The following ATP9A variants were observed in gnomAD, a reference collection of about 807,000 sequenced individuals.
ATP9A encodes ATPase phospholipid transporting 9A.
ATP9A carries 52 observed loss-of-function variants against 144.1 expected under a neutral mutation model. The observed-to-expected ratio is 0.36, with a 90% CI of 0.29 to 0.45. The LOEUF (loss-of-function observed/expected upper bound fraction) is 0.45. ATP9A is among the 20% of genes least tolerant of loss of function. The pLI, the probability that ATP9A is intolerant of heterozygous loss-of-function variation, is 1.00. For synonymous variants in ATP9A, 582 were observed against 557.4 expected, an observed-to-expected ratio of 1.04 and a Z score of -0.62; for missense variants, 947 against 1,392.7, an observed-to-expected ratio of 0.68 and a Z score of 5.09.
chr20:51,678,538 C>A (rs992608240), intron 9 of ATP9A, among the ~76,000 whole-genome samples: 5 of 152,170 alleles, frequency 3.3e-5, no homozygotes, highest in Non-Finnish European at 7.4e-5. Context: ...CGGCAGATGG[C>A]AGGCCAGGGA....
intron 3 of ATP9A, among the ~76,000 whole-genome samples, chr20:51,719,537 AT>A (rs2077678977): frequency 6.6e-6 from 1 of 151,032 alleles, no homozygotes; most frequent in Non-Finnish European, 1.5e-5. Context: ...GATCAAGACC[AT>A]CCTGGCCAAC....
chr20:51,685,030 A>T (rs1177451434), intron 9 of ATP9A, among the ~76,000 whole-genome samples: 12 of 151,876 alleles, frequency 7.9e-5, no homozygotes, highest in African/African-American at 2.4e-4. Context: ...AAAAAAAAAA[A>T]AAAAAAAAAA....
At chr20:51,684,057 C>T (rs1039382963) in intron 9 of ATP9A, among the ~76,000 whole-genome samples, 1 of 152,034 alleles carries the variant, frequency 6.6e-6, no homozygotes, top group Non-Finnish European at 1.5e-5. Context: ...TGGTGAGGTG[C>T]GCCTATAGTC....
At position 51,680,204 on chromosome 20, in the gene ATP9A, TGAGC is replaced by T. The variant is rs528707281; in HGVS notation, c.800-4000_800-3997del. Among the ~76,000 whole-genome samples the T allele has an allele frequency of 4.6e-3, 643 of 138,684 alleles. 1 individual carries two copies. The highest frequency in any genetic ancestry group is 7.8e-3 in the Non-Finnish European group (516 of 66,330). 91.0% of individuals were successfully genotyped at this position (138,684 alleles called of 152,430 possible). On this transcript the variant is annotated intron_variant, in intron 9 of 27. Coordinates refer to ENST00000338821, the MANE Select transcript of ATP9A (RefSeq NM_006045.3). ...AAGATCGCACCACTGCACGCCAGCC[TGAGC>T]GACAGTGAGACTGTCTTAAAAAAAA...
At chr20:51,623,801 A>AAAAAAAAGAAAG (rs558189054) in intron 18 of ATP9A, among the ~76,000 whole-genome samples, 14 of 133,414 alleles carry the variant, frequency 1.0e-4, no homozygotes, top group African/African-American at 2.1e-4. Flanking sequence ...AAAAAAAAAA[A>AAAAAAAAGAAAG]AAAGAAAGAA....
chr20:51,706,095 G>A (rs1206469651), intron 4 of ATP9A, among the ~76,000 whole-genome samples: 9 of 152,198 alleles, frequency 5.9e-5, no homozygotes, highest in Admixed American at 5.9e-4. Flanking sequence ...ACAATGAGGA[G>A]GCTAGATTGA....
intron 1 of ATP9A, among the ~76,000 whole-genome samples, chr20:51,747,220 G>C (rs1228461433): frequency 6.6e-6 from 1 of 152,000 alleles, no homozygotes; most frequent in Non-Finnish European, 1.5e-5. Context: ...CTACTGTCTG[G>C]AGGAGAAATG....
At chr20:51,672,362 A>C (rs2077459711) in intron 11 of ATP9A, among the ~76,000 whole-genome samples, 1 of 152,092 alleles carries the variant, frequency 6.6e-6, no homozygotes, top group Admixed American at 6.6e-5. Flanking sequence ...AACTAATCAA[A>C]CTGCTTGCCA....
At position 51,629,172 on chromosome 20, in the gene ATP9A, A is replaced by C. The variant is rs894226972; in HGVS notation, c.1669-100T>G. The C allele has an allele frequency of 4.6e-5, 39 of 844,212 alleles. No homozygotes were observed. The African/African-American group carries it at 6.5e-4, about 14-fold the overall frequency. The allele number at this position is 844,212 out of a possible 1,614,324, so 52.3% of individuals were successfully genotyped here. A position where few individuals can be genotyped will look rare whatever the true frequency, so the allele number is the denominator to read the frequency against. On this transcript the variant is annotated intron_variant, in intron 15 of 27. Transcript: ENST00000338821. ...ACAGACAGTGTACAAAGTGCACTTA[A>C]CAGACACCAATGTTTTTTCAGTTGG...
chr20:51,733,706 C>A (rs2077751818), intron 1 of ATP9A, among the ~76,000 whole-genome samples: 2 of 149,606 alleles, frequency 1.3e-5, no homozygotes, highest in Non-Finnish European at 3.0e-5. Context: ...ATTAAAAAAT[C>A]TGTATTACCC....
At chr20:51,659,131 A>C (rs1221558680) in intron 13 of ATP9A, among the ~76,000 whole-genome samples, 5 of 152,018 alleles carry the variant, frequency 3.3e-5, no homozygotes, top group Admixed American at 6.5e-5. Flanking sequence ...TGGCTTGCTC[A>C]GTCTCATCAT....
At chr20:51,653,109 C>CA (rs774614153) in intron 14 of ATP9A, among the ~76,000 whole-genome samples, 3,440 of 76,456 alleles carry the variant, frequency 0.045, 149 homozygotes, top group African/African-American at 0.12. Context: ...GACTCCGTCT[C>CA]AAAAAAAAAA....
intron 8 of ATP9A, 40 bp downstream of exon 8, chr20:51,690,699 C>T (rs781531085): frequency 1.3e-6 from 2 of 1,527,836 alleles, no homozygotes; most frequent in East Asian, 4.5e-5. Flanking sequence ...CCCTTACACA[C>T]TCCCGGTGAC....
In ATP9A at chr20:51,657,132, C is replaced by G; in HGVS notation, c.1312G>C (p.Ala438Pro). The G allele has an allele frequency of 6.2e-7, 1 of 1,614,006 alleles. No homozygotes were observed. The highest frequency in any genetic ancestry group is 1.1e-5 in the South Asian group (1 of 91,058). Residue 438 changes from alanine (A) to proline (P), a missense_variant, in exon 14 of 28, where the codon GCT becomes CCT. Ala to Pro is a conservative substitution (Grantham distance 27, BLOSUM62 -1). Coordinates refer to ENST00000338821, the MANE Select transcript of ATP9A (RefSeq NM_006045.3). ...GTGGTGAGCGTTGGGCCCTTCTGAG[C>G]CGGTGGGTCCTGGGATTGCTACAGG... is the stretch of plus-strand genomic sequence containing the variant. ...IYTQQSQDPP[A>P]QKGPTLTTKV...
At chr20:51,719,419 G>T (rs1262477069) in intron 3 of ATP9A, among the ~76,000 whole-genome samples, 3 of 152,106 alleles carry the variant, frequency 2.0e-5, no homozygotes, top group African/African-American at 7.2e-5. Context: ...AAAACTATGT[G>T]TATCTTATTT....
intron 4 of ATP9A, among the ~76,000 whole-genome samples, chr20:51,699,964 A>C (rs896162416): frequency 3.9e-5 from 6 of 152,070 alleles, no homozygotes; most frequent in African/African-American, 1.4e-4. Flanking sequence ...TCTAGAAAGC[A>C]CTCAACTAAC....
intron 8 of ATP9A, among the ~76,000 whole-genome samples, chr20:51,689,599 G>A (rs1039951868): frequency 3.3e-5 from 5 of 150,592 alleles, no homozygotes; most frequent in Non-Finnish European, 5.9e-5. Flanking sequence ...GTGCAGTGGC[G>A]CGATCTCGGC....
At chr20:51,701,470 G>A (rs1286711443) in intron 4 of ATP9A, among the ~76,000 whole-genome samples, 1 of 152,184 alleles carries the variant, frequency 6.6e-6, no homozygotes, top group Non-Finnish European at 1.5e-5. Context: ...CTGCAAGTGA[G>A]TGCTGATTTA....
chr20:51,661,617 C>T (rs375961848), intron 13 of ATP9A, among the ~76,000 whole-genome samples: 86 of 151,638 alleles, frequency 5.7e-4, no homozygotes, highest in African/African-American at 1.9e-3. Context: ...GTCAACCTCC[C>T]GCCTCGGCCT....
Sources: gnomAD v4.1 joint callset for allele counts (sites outside exome capture counted in the v4.1 genomes callset) on GRCh38, gnomAD v4.1.1 for gene constraint, MANE v1.5 for transcripts, NCBI Gene and HGNC (gene_info 2026-07-23, HGNC 2026-07-21) for gene names.